The following PTPN3 variants were observed in gnomAD, a reference collection of about 807,000 sequenced individuals.
PTPN3 encodes the protein protein tyrosine phosphatase non-receptor type 3.
A neutral mutation model predicts 132.7 loss-of-function variants in PTPN3; 96 were observed. The observed-to-expected ratio is 0.72, with a 90% CI of 0.61 to 0.86. PTPN3 has a LOEUF of 0.86. Ranked by LOEUF, PTPN3 falls within the 40% of genes least tolerant of loss-of-function variation. PTPN3 has a pLI of 0.00. For synonymous variants in PTPN3, 398 were observed against 429.0 expected (o/e 0.93, Z 0.89); for missense variants, 1,125 against 1,159.6 (o/e 0.97, Z 0.43).
At chr9:109,537,593 T>G in the PTPN3 span, among the ~76,000 whole-genome samples, 18 of 152,350 alleles carry the variant, frequency 1.2e-4, no homozygotes, top group Non-Finnish European at 1.8e-4. Context: ...TGTCTTTTCT[T>G]TCTAGTTCTT....
chr9:109,418,980 C>T (rs567332179), intron 14 of PTPN3, among the ~76,000 whole-genome samples: 7 of 152,280 alleles, frequency 4.6e-5, no homozygotes, highest in African/African-American at 1.4e-4. Context: ...CAAAACGGCT[C>T]TAGTCACGCA....
the PTPN3 span, among the ~76,000 whole-genome samples, chr9:109,525,553 T>G: frequency 6.6e-6 from 1 of 152,192 alleles, no homozygotes; most frequent in South Asian, 2.1e-4. Context: ...AGTGGTATTT[T>G]AAAAGAGTCC....
chr9:109,528,854 T>C, the PTPN3 span, among the ~76,000 whole-genome samples: 125 of 152,266 alleles, frequency 8.2e-4, no homozygotes, highest in African/African-American at 2.9e-3. Context: ...GTTGTACATA[T>C]CTAATCATCT....
At chr9:109,431,685 C>T (rs1162397077) in intron 10 of PTPN3, among the ~76,000 whole-genome samples, 2 of 152,228 alleles carry the variant, frequency 1.3e-5, no homozygotes, top group African/African-American at 4.8e-5. Context: ...TGAAACTTAA[C>T]TGAACAGCGT....
At chr9:109,381,909 C>T (rs1484652407) in intron 24 of PTPN3, 122 bp from the exon 25 acceptor site, 20 of 1,158,404 alleles carry the variant, frequency 1.7e-5, no homozygotes, top group African/African-American at 7.6e-5. Context: ...GAAGACAAAA[C>T]GCACACTCAC....
the PTPN3 span, among the ~76,000 whole-genome samples, chr9:109,529,420 T>C: frequency 6.8e-6 from 1 of 146,006 alleles, no homozygotes; most frequent in Non-Finnish European, 1.5e-5. Context: ...AGAACCACTG[T>C]CCGAGAGAGT....
At chr9:109,521,326 G>A in the PTPN3 span, among the ~76,000 whole-genome samples, 1 of 151,934 alleles carries the variant, frequency 6.6e-6, no homozygotes, top group South Asian at 2.1e-4. Context: ...ACCCAGCTAA[G>A]GTTTTGTATT....
At chr9:109,471,353 C>T (rs1334709478) in intron 1 of PTPN3, among the ~76,000 whole-genome samples, 1 of 152,180 alleles carries the variant, frequency 6.6e-6, no homozygotes, top group Non-Finnish European at 1.5e-5. Flanking sequence ...CCATCGTGCC[C>T]GGCCCACATA....
the PTPN3 span, among the ~76,000 whole-genome samples, chr9:109,535,352 A>G: frequency 2.0e-5 from 3 of 152,294 alleles, no homozygotes; most frequent in South Asian, 6.2e-4. Flanking sequence ...ATTTCAGTGT[A>G]AAATATAGAC....
Position 109,391,447 on chromosome 9 carries a change from G to A in PTPN3, c.2044+24C>T, listed in dbSNP as rs372911333. 3.2e-5 allele frequency: 50 copies of A among 1,580,776 alleles called. No homozygotes were observed. The African/African-American group carries it at 5.9e-4, about 19-fold the overall frequency. On this transcript the variant is annotated intron_variant, in intron 20 of 25. Coordinates refer to ENST00000374541, the MANE Select transcript of PTPN3 (RefSeq NM_002829.4). ...ACATTATCTCAGTGTAGGGGGGAAG[G>A]AGGCATTCATGCCGGATACTCACAA...
At chr9:109,409,442 A>C (rs1841891913) in intron 16 of PTPN3, among the ~76,000 whole-genome samples, 1 of 152,194 alleles carries the variant, frequency 6.6e-6, no homozygotes, top group African/African-American at 2.4e-5. Context: ...TCAGAACTTA[A>C]GAAGGTGCTA....
intron 21 of PTPN3, 129 bp downstream of exon 21, chr9:109,391,009 T>C (rs1365100463): frequency 5.3e-5 from 41 of 778,110 alleles, no homozygotes; most frequent in South Asian, 2.6e-4. Flanking sequence ...CTCCCATGGC[T>C]GTTGTGGTGC....
At chr9:109,403,593 G>T (rs891040563) in intron 19 of PTPN3, among the ~76,000 whole-genome samples, 28 of 152,264 alleles carry the variant, frequency 1.8e-4, no homozygotes, top group African/African-American at 6.3e-4. Context: ...TAATTTCAGC[G>T]TTTTGGAAGA....
intron 2 of PTPN3, among the ~76,000 whole-genome samples, chr9:109,459,817 G>A (rs768349215): frequency 3.6e-4 from 55 of 151,910 alleles, no homozygotes; most frequent in Non-Finnish European, 6.6e-4. Flanking sequence ...TCAGACATTC[G>A]CTCTTGGCCT....
chr9:109,510,094 C>T, the PTPN3 span, among the ~76,000 whole-genome samples: 1 of 152,156 alleles, frequency 6.6e-6, no homozygotes, highest in Non-Finnish European at 1.5e-5. Context: ...TGGTCCCATT[C>T]AGGAGGGAAA....
chr9:109,379,581 A>G lies in PTPN3; in HGVS notation c.2717T>C (p.Leu906Ser). 1 of 1,614,124 alleles carries G rather than the reference A, an allele frequency of 6.2e-7. No homozygotes were observed. Among genetic ancestry groups the G allele is most frequent in the South Asian group, 1.1e-5 (1 of 91,082 alleles). Residue 906 changes from leucine to serine, a missense_variant, in exon 26 of 26, where the codon TTA becomes TCA. By Grantham distance (145) the Leu-to-Ser change is moderately radical (BLOSUM62 -2). Coordinates refer to ENST00000374541, the MANE Select transcript of PTPN3 (RefSeq NM_002829.4). ...TTAACTAGGATCCAGCATTTGGACT[A>G]AACCTTCTTCATACACACGAAGAAT... Reference protein sequence around the residue: ...EAILRVYEEGLVQMLDPS With the variant: ...EAILRVYEEGSVQMLDPS
chr9:109,432,443 C>T (rs1588416713), intron 10 of PTPN3, among the ~76,000 whole-genome samples: 1 of 152,170 alleles, frequency 6.6e-6, no homozygotes, highest in African/African-American at 2.4e-5. Context: ...CGTGCTACCC[C>T]CATTCCTTGC....
intron 1 of PTPN3, among the ~76,000 whole-genome samples, chr9:109,497,014 A>C (rs1182700323): frequency 6.6e-6 from 1 of 152,226 alleles, no homozygotes; most frequent in African/African-American, 2.4e-5. Context: ...ATCATCTTGC[A>C]AAACAGCTCT....
At chr9:109,481,962 G>A (rs1037106283) in intron 1 of PTPN3, among the ~76,000 whole-genome samples, 3 of 152,200 alleles carry the variant, frequency 2.0e-5, no homozygotes, top group East Asian at 1.9e-4. Flanking sequence ...AAACTCCCCC[G>A]CCTTTCGGTC....
Sources: gnomAD v4.1 joint callset for allele counts (sites outside exome capture counted in the v4.1 genomes callset) on GRCh38, gnomAD v4.1.1 for gene constraint, MANE v1.5 for transcripts, NCBI Gene and HGNC (gene_info 2026-07-23, HGNC 2026-07-21) for gene names.